PDLIM3: variants seen among roughly 807,000 people sequenced by gnomAD.
The protein encoded by PDLIM3 is PDZ and LIM domain protein 3.
PDLIM3 carries 36 observed loss-of-function variants against 37.3 expected under a neutral mutation model. The ratio of observed to expected loss-of-function variants is 0.97; its 90% CI spans 0.74 to 1.28. The LOEUF (loss-of-function observed/expected upper bound fraction) is 1.28, where lower values mean the gene tolerates loss of function less well. Ranked by LOEUF, PDLIM3 falls within the 50% of genes most tolerant of loss-of-function variation. PDLIM3 has a pLI of 0.00. For missense variants in PDLIM3, 454 were observed against 485.0 expected (o/e 0.94, Z 0.60); for synonymous variants, 174 against 182.4 (o/e 0.95, Z 0.37).
intron 1 of PDLIM3, among the ~76,000 whole-genome samples, chr4:185,527,000 G>A (rs1471337000): frequency 6.6e-6 from 1 of 152,048 alleles, no homozygotes; most frequent in Non-Finnish European, 1.5e-5. Flanking sequence ...CTCGTGTATT[G>A]TCTGTCTTCC....
At chr4:185,502,924 C>A (rs2095689553) in intron 7 of PDLIM3, among the ~76,000 whole-genome samples, 1 of 152,090 alleles carries the variant, frequency 6.6e-6, no homozygotes, top group South Asian at 2.1e-4. Flanking sequence ...TTCAATGGAG[C>A]AAGAGAAAAC....
intron 5 of PDLIM3, among the ~76,000 whole-genome samples, chr4:185,507,816 C>G (rs1469171970): frequency 6.6e-6 from 1 of 152,006 alleles, no homozygotes; most frequent in African/African-American, 2.4e-5. Context: ...TAAATAATGA[C>G]CTCTCCACAA....
At chr4:185,535,137 T>C (rs887420742) in intron 1 of PDLIM3, among the ~76,000 whole-genome samples, 1 of 152,094 alleles carries the variant, frequency 6.6e-6, no homozygotes, top group African/African-American at 2.4e-5. Context: ...GCGGACTTTG[T>C]CAAATCTCTG....
At chr4:185,513,861 TATC>T (rs2095710488) in intron 4 of PDLIM3, 3 of 1,131,208 alleles carry the variant, frequency 2.7e-6, no homozygotes, top group African/African-American at 1.6e-5. Context: ...GCTTGCTCCT[TATC>T]ATTCTGGCTT....
chr4:185,509,114 A>G (rs2095702671), intron 4 of PDLIM3, among the ~76,000 whole-genome samples: 1 of 152,244 alleles, frequency 6.6e-6, no homozygotes, highest in South Asian at 2.1e-4. Context: ...ACTTTAATTG[A>G]ATAGTAATTG....
At chr4:185,512,428 C>A (rs891991283) in intron 4 of PDLIM3, 1 of 152,638 alleles carries the variant, frequency 6.6e-6, no homozygotes, top group Non-Finnish European at 1.5e-5. Context: ...TTTAAGCAAA[C>A]CTTCTCATTT....
Position 185,502,876 on chromosome 4 carries a change from C to G in PDLIM3, c.906-393G>C, listed in dbSNP as rs535204728. Among the ~76,000 whole-genome samples the G allele has an allele frequency of 7.2e-5, 11 of 152,256 alleles. No homozygotes were observed. In the East Asian group the frequency reaches 2.1e-3, roughly 29 times the overall value. The stretch of plus-strand genomic sequence containing the variant: ...GGTGGTTGTCTACCCAATGAAGAGT[C>G]TCTCTGATTGCTTTCCGTCTGCGTG... On this transcript the variant is annotated intron_variant, in intron 7 of 7. Transcript: ENST00000284767.
intron 1 of PDLIM3, among the ~76,000 whole-genome samples, chr4:185,533,067 A>C (rs1448034276): frequency 6.6e-6 from 1 of 152,100 alleles, no homozygotes; most frequent in Admixed American, 6.5e-5. Context: ...GCGGGTTAAT[A>C]AATCTTTTGA....
intron 7 of PDLIM3, among the ~76,000 whole-genome samples, chr4:185,502,780 C>T (rs1026585105): frequency 6.6e-6 from 1 of 152,170 alleles, no homozygotes; most frequent in Non-Finnish European, 1.5e-5. Context: ...CTTTCCCCAT[C>T]GTTTCTTTGA....
At chr4:185,512,676 C>T in intron 4 of PDLIM3, 1 of 985,304 alleles carries the variant, frequency 1.0e-6, no homozygotes. Flanking sequence ...TTATTCAAGC[C>T]TTCTGAAGCC....
chr4:185,502,256 T>C lies in PDLIM3; in HGVS notation c.*38A>G. ...GAATGTCTTCTCGTGTAAGTGCGCG[T>C]GGGTGGGTGCGTGCGTGCGTGCCAC... On this transcript the variant is annotated 3_prime_UTR_variant, in exon 8 of 8. Coordinates refer to ENST00000284767, the MANE Select transcript of PDLIM3 (RefSeq NM_014476.6). 6.3e-7 allele frequency: 1 copy of C among 1,598,986 alleles called. No individual in the cohort carries two copies. Among genetic ancestry groups the C allele is most frequent in the Non-Finnish European group, 8.6e-7 (1 of 1,166,526 alleles).
intron 4 of PDLIM3, 111 bp from the exon 5 acceptor site, chr4:185,508,673 TGA>T (rs2095701949): frequency 9.5e-7 from 1 of 1,052,160 alleles, no homozygotes; most frequent in Non-Finnish European, 1.5e-6. Context: ...AAGACAAAAG[TGA>T]GAGGTGAATT....
intron 4 of PDLIM3, among the ~76,000 whole-genome samples, chr4:185,509,677 G>A (rs2095703634): frequency 6.6e-6 from 1 of 152,152 alleles, no homozygotes; most frequent in Non-Finnish European, 1.5e-5. Context: ...ATACTTTCCA[G>A]TTAGTGTTGC....
chr4:185,519,300 T>C (rs2095719262), intron 3 of PDLIM3, among the ~76,000 whole-genome samples: 2 of 152,180 alleles, frequency 1.3e-5, no homozygotes, highest in African/African-American at 2.4e-5. Flanking sequence ...TTATTATTAT[T>C]TGTGAGACGG....
At position 185,502,243 on chromosome 4, in the gene PDLIM3, G is replaced by A. The variant is rs370106550; in HGVS notation, c.*51C>T. The A allele has an allele frequency of 5.5e-3, 8,531 of 1,563,012 alleles. 63 individuals are homozygous for A. The highest frequency in any genetic ancestry group is 0.021 in the South Asian group (1,891 of 90,068). ...TGCCCAAAGCCATGAATGTCTTCTC[G>A]TGTAAGTGCGCGTGGGTGGGTGCGT... On this transcript the variant is annotated 3_prime_UTR_variant, in exon 8 of 8. Transcript: ENST00000284767.
chr4:185,509,084 T>C (rs2095702631), intron 4 of PDLIM3, among the ~76,000 whole-genome samples: 1 of 152,248 alleles, frequency 6.6e-6, no homozygotes. Context: ...ATCAGAAGTA[T>C]ATTTCAGTAA....
At chr4:185,515,613 C>T (rs978274971) in intron 3 of PDLIM3, 1 of 152,076 alleles carries the variant, frequency 6.6e-6, no homozygotes, top group South Asian at 2.1e-4. Flanking sequence ...AGATTAAAGT[C>T]AGTAATTCAG....
At position 185,500,687 on chromosome 4, in the gene PDLIM3, T is replaced by C. The variant is rs2095686031; in HGVS notation, c.*1607A>G. 6.6e-6 allele frequency: 1 copy of C among 152,208 alleles called. No individual in the cohort carries two copies. Among genetic ancestry groups the C allele is most frequent in the Non-Finnish European group, 1.5e-5 (1 of 68,044 alleles). 9.4% of individuals were successfully genotyped at this position (152,208 alleles called of 1,614,324 possible). On this transcript the variant is annotated 3_prime_UTR_variant, in exon 8 of 8. Transcript: ENST00000284767. ...TCTTTGATCTCAAAAGTCTGTTTTA[T>C]TTTTTTAATAGCTTTGTTAGTGAAT...
intron 1 of PDLIM3, among the ~76,000 whole-genome samples, chr4:185,531,491 T>C (rs1047958162): frequency 6.6e-6 from 1 of 152,252 alleles, no homozygotes; most frequent in Non-Finnish European, 1.5e-5. Context: ...TTCATCTGGC[T>C]ATTTGGATTG....
Sources: allele counts gnomAD v4.1 joint callset (sites outside exome capture counted in the v4.1 genomes callset), GRCh38; gene constraint gnomAD v4.1.1; transcripts MANE v1.5; gene names NCBI Gene and HGNC (gene_info 2026-07-23, HGNC 2026-07-21).